Variants in ACVR1C observed in about 807,000 individuals in gnomAD.
The protein encoded by ACVR1C is activin A receptor type 1C.
In ACVR1C, 23 loss-of-function variants were observed where a neutral mutation model predicts 57.9. That is an observed-to-expected ratio of 0.40 (90% CI 0.29 to 0.56). The LOEUF is 0.56. Among genes scored for constraint, ACVR1C ranks in the 20% least tolerant of loss-of-function variants. ACVR1C has a pLI of 0.50. For synonymous variants in ACVR1C, 214 were observed against 215.3 expected (o/e 0.99, Z 0.05); for missense variants, 480 against 607.9 (o/e 0.79, Z 2.21).
intron 8 of ACVR1C, among the ~76,000 whole-genome samples, chr2:157,537,758 T>C (rs1240096774): frequency 6.6e-6 from 1 of 152,154 alleles, no homozygotes; most frequent in African/African-American, 2.4e-5. Context: ...TGGAACTAGT[T>C]AGATGGTTTA....
rs1687341330 is a variant in ACVR1C at position 157,531,117 on chromosome 2, C to T, written c.*2801G>A. 1 of 149,896 alleles carries T rather than the reference C, an allele frequency of 6.7e-6. No individual in the cohort carries two copies. The highest frequency in any genetic ancestry group is 1.5e-5 in the Non-Finnish European group (1 of 67,502). 9.3% of individuals were successfully genotyped at this position (149,896 alleles called of 1,614,324 possible). A position where few individuals can be genotyped will look rare whatever the true frequency, so the allele number is the denominator to read the frequency against. On this transcript the variant is annotated 3_prime_UTR_variant, in exon 9 of 9. Coordinates refer to ENST00000243349, the MANE Select transcript of ACVR1C (RefSeq NM_145259.3). ...CAAAATGTAAAAGAAATAAATATTA[C>T]ACAATGGGACTCCATTAAAAACAAT... is the stretch of plus-strand genomic sequence containing the variant.
At chr2:157,554,280 GAAGAGA>G (rs1374993452) in intron 3 of ACVR1C, among the ~76,000 whole-genome samples, 9 of 61,378 alleles carry the variant, frequency 1.5e-4, no homozygotes, top group African/African-American at 8.3e-4. Context: ...AGGAAGGAAG[GAAGAGA>G]GAGAGAGAGA....
chr2:157,628,015 C>G (rs1450253811), intron 1 of ACVR1C, among the ~76,000 whole-genome samples: 1 of 152,212 alleles, frequency 6.6e-6, no homozygotes, highest in Non-Finnish European at 1.5e-5. Flanking sequence ...ATGTGCGTTG[C>G]AAACCACACA....
chr2:157,578,665 G>A (rs984074155), intron 2 of ACVR1C, among the ~76,000 whole-genome samples: 3 of 151,992 alleles, frequency 2.0e-5, no homozygotes, highest in African/African-American at 7.3e-5. Flanking sequence ...CTTTACAAGG[G>A]CCTCTTCCTT....
At chr2:157,612,139 G>T (rs1172182002) in intron 1 of ACVR1C, among the ~76,000 whole-genome samples, 1 of 152,200 alleles carries the variant, frequency 6.6e-6, no homozygotes, top group Non-Finnish European at 1.5e-5. Context: ...TGTGGGCAAA[G>T]TTGGTGACCA....
At chr2:157,578,318 C>T (rs982810017) in intron 2 of ACVR1C, among the ~76,000 whole-genome samples, 1 of 152,116 alleles carries the variant, frequency 6.6e-6, no homozygotes, top group African/African-American at 2.4e-5. Flanking sequence ...ACAACAGGCA[C>T]ATTTTAAAGC....
chr2:157,614,748 C>A (rs74587568), intron 1 of ACVR1C, among the ~76,000 whole-genome samples: 9,784 of 152,056 alleles, frequency 0.064, 481 homozygotes, highest in East Asian at 0.24. Context: ...ATGGAATATC[C>A]CTTGCAGCAT....
At chr2:157,610,655 T>C (rs1182971290) in intron 1 of ACVR1C, among the ~76,000 whole-genome samples, 2 of 152,212 alleles carry the variant, frequency 1.3e-5, no homozygotes, top group African/African-American at 4.8e-5. Context: ...TCTCTTTGCC[T>C]TCTGGGATAC....
At chr2:157,609,992 A>G (rs1473119098) in intron 1 of ACVR1C, among the ~76,000 whole-genome samples, 1 of 151,970 alleles carries the variant, frequency 6.6e-6, no homozygotes, top group South Asian at 2.1e-4. Context: ...TGTTCCTGTC[A>G]TATTGTTAAT....
chr2:157,599,314 CAAAAAAAAAAAAAAAAAAAAAAAAAA>C (rs60182304), intron 1 of ACVR1C, among the ~76,000 whole-genome samples: 3 of 40,602 alleles, frequency 7.4e-5, no homozygotes, highest in Non-Finnish European at 1.2e-4. Flanking sequence ...AGCCTGGGCT[CAAAAAAAAAAAAAAAAAAAAAAAAAA>C]AAAAAAAAAA....
intron 1 of ACVR1C, among the ~76,000 whole-genome samples, chr2:157,593,593 C>T (rs1681997319): frequency 6.6e-6 from 1 of 152,104 alleles, no homozygotes; most frequent in Non-Finnish European, 1.5e-5. Context: ...GGGAACAATT[C>T]AAGCTTTTCA....
At position 157,533,422 on chromosome 2, in the gene ACVR1C, A is replaced by C. The variant is rs550973917; in HGVS notation, c.*496T>G. 2.0e-5 allele frequency: 3 copies of C among 152,734 alleles called. No individual in the cohort carries two copies. The highest frequency in any genetic ancestry group is 2.0e-4 in the Admixed American group (3 of 15,274). The allele number at this position is 152,734 out of a possible 1,614,324, so 9.5% of individuals were successfully genotyped here. ...CTCCACTCTCACGTTCGATATATTA[A>C]AGTTTAGAGCAATATTTATTTTTAA... On this transcript the variant is annotated 3_prime_UTR_variant, in exon 9 of 9. Coordinates refer to ENST00000243349, the MANE Select transcript of ACVR1C (RefSeq NM_145259.3).
intron 3 of ACVR1C, among the ~76,000 whole-genome samples, chr2:157,550,698 A>G (rs1687893060): frequency 1.3e-5 from 2 of 151,870 alleles, no homozygotes; most frequent in African/African-American, 4.8e-5. Flanking sequence ...TTGCCCATCA[A>G]AGCCAGTCAG....
At chr2:157,585,493 C>T (rs10184376) in intron 2 of ACVR1C, among the ~76,000 whole-genome samples, 18,820 of 152,066 alleles carry the variant, frequency 0.12, 1,514 homozygotes, top group East Asian at 0.26. Context: ...ATTAGGTACG[C>T]TTGATTTGCC....
chr2:157,600,777 G>C (rs1174702070), intron 1 of ACVR1C, among the ~76,000 whole-genome samples: 1 of 152,158 alleles, frequency 6.6e-6, no homozygotes, highest in African/African-American at 2.4e-5. Context: ...GGATCTTTTT[G>C]TTTTATTAAG....
chr2:157,563,009 T>A (rs955716768), intron 2 of ACVR1C, among the ~76,000 whole-genome samples: 1 of 152,122 alleles, frequency 6.6e-6, no homozygotes, highest in Admixed American at 6.6e-5. Flanking sequence ...CCACAGCCAA[T>A]ATCATACTGA....
chr2:157,628,653 G>C lies in ACVR1C; in HGVS notation c.-9C>G. On this transcript the variant is annotated 5_prime_UTR_variant, in exon 1 of 9. Coordinates refer to ENST00000243349, the MANE Select transcript of ACVR1C (RefSeq NM_145259.3). The stretch of plus-strand genomic sequence containing the variant: ...CAGAGCGCCCGGGTCATCGCCACCA[G>C]GCGGCCGCGCCGGGGCTGCGAGGCC... 1 of 1,564,606 alleles carries C rather than the reference G, an allele frequency of 6.4e-7. No homozygotes were observed. The highest frequency in any genetic ancestry group is 8.6e-7 in the Non-Finnish European group (1 of 1,157,084).
In ACVR1C at chr2:157,578,058, G is replaced by A. The variant is rs552344935; in HGVS notation, c.304+9129C>T. On this transcript the variant is annotated intron_variant, in intron 2 of 8. Transcript: ENST00000243349. ...GCTGGGATCGCAGGCACATGCCACC[G>A]TGCCTGACTAATTTTTAAAAAATTT... Among the ~76,000 whole-genome samples the A allele has an allele frequency of 6.6e-5, 10 of 151,868 alleles. No individual in the cohort carries two copies. In the South Asian group the frequency reaches 1.0e-3, roughly 16 times the overall value.
rs568295105 is a variant in ACVR1C, at chr2:157,544,750, T to C, written c.776-138A>G. ...TCAGTGGTAATGCTTACAGTCCAAG[T>C]TAGTAAAGAAAAAATTCTCAATGAA... is the stretch of plus-strand genomic sequence containing the variant. On this transcript the variant is annotated intron_variant, in intron 4 of 8. Coordinates refer to ENST00000243349, the MANE Select transcript of ACVR1C (RefSeq NM_145259.3). 5.5e-4 allele frequency: 353 copies of C among 637,530 alleles called. 5 individuals are homozygous for C. The South Asian group carries it at 8.8e-3, about 16-fold the overall frequency. The allele number at this position is 637,530 out of a possible 1,614,324, so 39.5% of individuals were successfully genotyped here. A position where few individuals can be genotyped will look rare whatever the true frequency, so the allele number is the denominator to read the frequency against.
Sources: allele counts gnomAD v4.1 joint callset (sites outside exome capture counted in the v4.1 genomes callset), GRCh38; gene constraint gnomAD v4.1.1; transcripts MANE v1.5; gene names NCBI Gene and HGNC (gene_info 2026-07-23, HGNC 2026-07-21).